FBN2: variants seen among roughly 807,000 people sequenced by gnomAD.
FBN2 encodes fibrillin 2.
FBN2 carries 105 observed loss-of-function variants against 355.6 expected under a neutral mutation model. The observed-to-expected ratio is 0.30, with a 90% CI of 0.25 to 0.35. The LOEUF is 0.35. Ranked by LOEUF, FBN2 falls within the 10% of genes least tolerant of loss-of-function variation. FBN2 has a pLI of 1.00. For synonymous variants in FBN2, 1,350 were observed against 1,301.2 expected, an observed-to-expected ratio of 1.04 and a Z score of -0.81; for missense variants, 3,280 against 3,758.7, an observed-to-expected ratio of 0.87 and a Z score of 3.33.
At chr5:128,376,509 A>G (rs1342110339) in intron 14 of FBN2, among the ~76,000 whole-genome samples, 1 of 152,226 alleles carries the variant, frequency 6.6e-6, no homozygotes, top group East Asian at 1.9e-4. Flanking sequence ...CAGTTCCTTA[A>G]TTTTTCCTAT....
chr5:128,274,433 C>T (rs759969835), intron 60 of FBN2, 134 bp downstream of exon 60: 106 of 698,418 alleles, frequency 1.5e-4, no homozygotes, highest in Non-Finnish European at 2.6e-4. Flanking sequence ...TTAGCAACTT[C>T]TTTAGACCAC....
chr5:128,415,278 T>C (rs1414918373), intron 7 of FBN2, among the ~76,000 whole-genome samples: 2 of 152,164 alleles, frequency 1.3e-5, no homozygotes, highest in African/African-American at 4.8e-5. Flanking sequence ...CACCCTACTC[T>C]TGTTATGAAA....
intron 7 of FBN2, among the ~76,000 whole-genome samples, chr5:128,433,326 G>A (rs1753673773): frequency 6.6e-6 from 1 of 152,140 alleles, no homozygotes; most frequent in South Asian, 2.1e-4. Flanking sequence ...CAAGTTTGAA[G>A]TTAGACTGCA....
At chr5:128,307,461 A>G (rs1049055822) in intron 41 of FBN2, among the ~76,000 whole-genome samples, 3 of 152,144 alleles carry the variant, frequency 2.0e-5, no homozygotes, top group Non-Finnish European at 4.4e-5. Context: ...GTAAATCATT[A>G]TAAGATTCAA....
Position 128,507,415 on chromosome 5 carries a change from A to G in FBN2, c.628+11858T>C, listed in dbSNP as rs186410397. On this transcript the variant is annotated intron_variant, in intron 5 of 64. Transcript: ENST00000262464. ...ACACACATTCACCCATACACTTTAA[A>G]TAAGCTCTAGATTACCAATAGTACA... is the stretch of plus-strand genomic sequence containing the variant. 4.6e-5 allele frequency among the ~76,000 whole-genome samples: 7 copies of G among 152,194 alleles called. No homozygotes were observed. In the East Asian group the frequency reaches 1.4e-3, roughly 29 times the overall value.
At chr5:128,490,725 T>C (rs531247001) in intron 5 of FBN2, among the ~76,000 whole-genome samples, 2 of 152,330 alleles carry the variant, frequency 1.3e-5, no homozygotes, top group South Asian at 2.1e-4. Flanking sequence ...GTTTGGCACA[T>C]GGCACATGTT....
intron 60 of FBN2, 31 bp downstream of exon 60, chr5:128,274,526 CTAGAAGTTTG>C: frequency 1.9e-6 from 2 of 1,064,656 alleles, no homozygotes; most frequent in Non-Finnish European, 2.9e-6. Flanking sequence ...TATGCATCTA[CTAGAAGTTTG>C]TAAAATTTCC....
intron 7 of FBN2, among the ~76,000 whole-genome samples, chr5:128,441,579 TTAAA>T (rs1444240117): frequency 6.6e-6 from 1 of 152,220 alleles, no homozygotes. Flanking sequence ...GTAAAGTAGT[TTAAA>T]TATTGTCTGG....
chr5:128,437,391 T>C (rs1753796151), intron 7 of FBN2, among the ~76,000 whole-genome samples: 1 of 152,200 alleles, frequency 6.6e-6, no homozygotes, highest in African/African-American at 2.4e-5. Flanking sequence ...CCACACAGCA[T>C]TAAAACTCTT....
chr5:128,349,631 C>T (rs1346666621), intron 22 of FBN2, among the ~76,000 whole-genome samples, 159 bp from the exon 23 acceptor site: 2 of 152,234 alleles, frequency 1.3e-5, no homozygotes, highest in East Asian at 3.9e-4. Flanking sequence ...CACCCGCTTT[C>T]CTAGGTACCA....
At chr5:128,508,227 A>G (rs1756015738) in intron 5 of FBN2, among the ~76,000 whole-genome samples, 1 of 152,000 alleles carries the variant, frequency 6.6e-6, no homozygotes, top group Admixed American at 6.6e-5. Context: ...AACAATCTTT[A>G]TCTTTCAATT....
At chr5:128,468,848 A>G (rs1010988733) in intron 5 of FBN2, among the ~76,000 whole-genome samples, 1 of 152,206 alleles carries the variant, frequency 6.6e-6, no homozygotes, top group Admixed American at 6.5e-5. Context: ...TAAAATCCAA[A>G]CCATACGGAA....
chr5:128,470,878 T>C lies in FBN2; in HGVS notation c.629-5957A>G, dbSNP rs150874093. ...CTTAGAAGCTTCCCACATACTTTAA[T>C]GTAAATGTCATTCCCTGGAGTTGTG... On this transcript the variant is annotated intron_variant, in intron 5 of 64. Transcript: ENST00000262464. Among the ~76,000 whole-genome samples, 33 of 152,302 alleles carry C rather than the reference T, an allele frequency of 2.2e-4. No individual in the cohort carries two copies. In the East Asian group the frequency reaches 6.4e-3, roughly 29 times the overall value.
chr5:128,528,874 G>A (rs1000816112), intron 3 of FBN2, among the ~76,000 whole-genome samples: 6 of 152,214 alleles, frequency 3.9e-5, no homozygotes, highest in Non-Finnish European at 7.3e-5. Flanking sequence ...GATGAGGATA[G>A]CTTACACCAC....
At chr5:128,519,420 A>C in intron 4 of FBN2, 52 bp from the exon 5 acceptor site, 1 of 1,335,734 alleles carries the variant, frequency 7.5e-7, no homozygotes, top group Non-Finnish European at 1.1e-6. Context: ...TCCAAGCACA[A>C]TATAGTAGTG....
intron 4 of FBN2, among the ~76,000 whole-genome samples, chr5:128,524,678 T>C: frequency 6.6e-6 from 1 of 152,196 alleles, no homozygotes; most frequent in East Asian, 1.9e-4. Flanking sequence ...ACTCTTTCTA[T>C]ATAAGACGAC....
chr5:128,531,209 T>C (rs1756693199), intron 2 of FBN2, among the ~76,000 whole-genome samples: 1 of 152,116 alleles, frequency 6.6e-6, no homozygotes. Flanking sequence ...ACCATATATA[T>C]AATGGAATAC....
chr5:128,379,753 G>A (rs1304958662), intron 11 of FBN2, among the ~76,000 whole-genome samples: 2 of 152,020 alleles, frequency 1.3e-5, no homozygotes, highest in African/African-American at 4.8e-5. Context: ...TCTTCTCTCA[G>A]CAATGCCCAC....
At chr5:128,436,010 G>A (rs933191181) in intron 7 of FBN2, among the ~76,000 whole-genome samples, 1 of 152,184 alleles carries the variant, frequency 6.6e-6, no homozygotes, top group Non-Finnish European at 1.5e-5. Context: ...TGTTTAGGTT[G>A]AAATTAAAGG....
Sources: gnomAD v4.1 joint callset for allele counts (sites outside exome capture counted in the v4.1 genomes callset) on GRCh38, gnomAD v4.1.1 for gene constraint, MANE v1.5 for transcripts, NCBI Gene and HGNC (gene_info 2026-07-23, HGNC 2026-07-21) for gene names.